Variants in RHOBTB1 observed in about 807,000 individuals in gnomAD.
RHOBTB1 encodes Rho related BTB domain containing 1.
Under a neutral mutation model 71.6 loss-of-function variants are expected in RHOBTB1, and 40 were observed. The observed-to-expected ratio is 0.56, with a 90% CI of 0.43 to 0.73. RHOBTB1 has a LOEUF of 0.73. Among genes scored for constraint, RHOBTB1 ranks in the 30% least tolerant of loss-of-function variants. The pLI is 0.00. For synonymous variants in RHOBTB1, 319 were observed against 334.9 expected, an observed-to-expected ratio of 0.95 and a Z score of 0.52; for missense variants, 797 against 894.0, an observed-to-expected ratio of 0.89 and a Z score of 1.38.
chr10:60,883,738 C>T lies in RHOBTB1; in HGVS notation c.1575+2374G>A, dbSNP rs555796994. Among the ~76,000 whole-genome samples the T allele has an allele frequency of 3.9e-5, 6 of 152,324 alleles. No individual in the cohort carries two copies. In the South Asian group the frequency reaches 1.2e-3, roughly 32 times the overall value. On this transcript the variant is annotated intron_variant, in intron 7 of 10. Coordinates refer to ENST00000337910, the MANE Select transcript of RHOBTB1 (RefSeq NM_014836.5). ...ATCAGAATAAGTCCAGCGGCAGCTACTATTTATTGAATGCTTCTGAACTGC... is the reference window on the plus strand; with the variant it reads ...ATCAGAATAAGTCCAGCGGCAGCTATTATTTATTGAATGCTTCTGAACTGC...
At chr10:60,929,826 C>G (rs2084127861) in intron 2 of RHOBTB1, among the ~76,000 whole-genome samples, 1 of 152,090 alleles carries the variant, frequency 6.6e-6, no homozygotes, top group Admixed American at 6.5e-5. Flanking sequence ...GTGAAATAAA[C>G]AACACATGGA....
chr10:60,871,648 T>C lies in RHOBTB1; in HGVS notation c.1925A>G (p.Asn642Ser), dbSNP rs1379304062. 1 of 1,613,620 alleles carries C rather than the reference T, an allele frequency of 6.2e-7. No individual in the cohort carries two copies. Among genetic ancestry groups the C allele is most frequent in the East Asian group, 2.2e-5 (1 of 44,830 alleles). The change falls in exon 11 of 11, where the codon AAC becomes AGC. Residue 642 changes from asparagine to serine, a missense_variant. Physicochemically the swap from Asn to Ser is conservative, Grantham distance 46. This residue lies in a region of RHOBTB1 where 658 missense variants were observed against 681.5 expected (regional missense o/e 0.97). Coordinates refer to ENST00000337910, the MANE Select transcript of RHOBTB1 (RefSeq NM_014836.5). ...RKEIKSKSAD[N>S]QEYFERHRWP... ...GCGGTGCCGCTCGAAGTATTCCTGG[T>C]TGTCTGGTGAAGGAAAGATGCAGAC...
intron 7 of RHOBTB1, among the ~76,000 whole-genome samples, chr10:60,885,008 T>G (rs2081502530): frequency 6.6e-6 from 1 of 152,092 alleles, no homozygotes; most frequent in Non-Finnish European, 1.5e-5. Context: ...AGCTTTGAAC[T>G]CCTGGGCTCA....
At chr10:60,975,228 T>A (rs1301578017) in intron 2 of RHOBTB1, among the ~76,000 whole-genome samples, 1 of 152,036 alleles carries the variant, frequency 6.6e-6, no homozygotes, top group Non-Finnish European at 1.5e-5. Context: ...GGGTTCAGAA[T>A]CAGGGGAATT....
At chr10:60,925,606 A>G (rs2083826753) in intron 2 of RHOBTB1, among the ~76,000 whole-genome samples, 1 of 152,104 alleles carries the variant, frequency 6.6e-6, no homozygotes, top group Admixed American at 6.5e-5. Flanking sequence ...AATTGAGATA[A>G]AAATAGAAAA....
rs1409704209 is a variant in RHOBTB1 at position 60,892,824 on chromosome 10, C to T, written c.468G>A (p.Arg156=). 6.2e-7 allele frequency: 1 copy of T among 1,612,728 alleles called. No individual in the cohort carries two copies. Among genetic ancestry groups the T allele is most frequent in the African/African-American group, 1.3e-5 (1 of 74,836 alleles). Reference sequence around the variant, plus strand: ...CCTTGGCTTACCTTGCTAACGGGCGCCTGGCTCGATTAACAGCTTCCAGGT... The same window carrying T: ...CCTTGGCTTACCTTGCTAACGGGCGTCTGGCTCGATTAACAGCTTCCAGGT... ...YADLEAVNRA[R]RPLARPIKRG... is the part of the protein sequence containing the mutation. The change falls in exon 5 of 11, where the codon AGG becomes AGA. Residue 156 remains arginine, a synonymous_variant. Coordinates refer to ENST00000337910, the MANE Select transcript of RHOBTB1 (RefSeq NM_014836.5).
At chr10:60,862,903 C>A in the RHOBTB1 span, among the ~76,000 whole-genome samples, 1 of 127,612 alleles carries the variant, frequency 7.8e-6, no homozygotes, top group Non-Finnish European at 1.6e-5. Flanking sequence ...CTCTCTCTCT[C>A]CCTCTCCTCT....
chr10:60,999,506 C>A (rs941120357), intron 1 of RHOBTB1, among the ~76,000 whole-genome samples: 1 of 152,124 alleles, frequency 6.6e-6, no homozygotes, highest in Non-Finnish European at 1.5e-5. Flanking sequence ...GTTAATATGC[C>A]ACTAAATCAA....
intron 2 of RHOBTB1, among the ~76,000 whole-genome samples, chr10:60,923,723 G>A (rs1440455459): frequency 2.0e-5 from 3 of 152,084 alleles, no homozygotes; most frequent in East Asian, 3.8e-4. Context: ...GAATCATGGG[G>A]GTGGTTTACT....
intron 2 of RHOBTB1, chr10:60,913,015 G>A (rs1364577812): frequency 1.3e-5 from 2 of 152,164 alleles, no homozygotes; most frequent in Non-Finnish European, 2.9e-5. Context: ...TAAAGAAACT[G>A]TTCAGAGTAA....
At chr10:60,985,209 CAAAT>C (rs1258959643) in intron 2 of RHOBTB1, among the ~76,000 whole-genome samples, 2 of 132,070 alleles carry the variant, frequency 1.5e-5, no homozygotes, top group East Asian at 5.2e-4. Context: ...GTGAAAATAA[CAAAT>C]AATTTTATGG....
chr10:60,975,798 A>G (rs1219112161), intron 2 of RHOBTB1, among the ~76,000 whole-genome samples: 1 of 152,142 alleles, frequency 6.6e-6, no homozygotes, highest in African/African-American at 2.4e-5. Context: ...AAGATGACCA[A>G]TGAAAACAGA....
chr10:60,919,535 G>A (rs962917392), intron 2 of RHOBTB1, among the ~76,000 whole-genome samples: 1 of 152,160 alleles, frequency 6.6e-6, no homozygotes, highest in Non-Finnish European at 1.5e-5. Context: ...GGACTTCCCT[G>A]AATCAAAACT....
chr10:60,971,246 A>G (rs927674387), intron 2 of RHOBTB1, among the ~76,000 whole-genome samples: 3 of 152,096 alleles, frequency 2.0e-5, no homozygotes, highest in African/African-American at 7.2e-5. Flanking sequence ...AGATAATCCT[A>G]AGCGAAAAGA....
At chr10:60,888,140 T>TA in intron 6 of RHOBTB1, 72 bp downstream of exon 6, 1 of 1,505,292 alleles carries the variant, frequency 6.6e-7, no homozygotes, top group African/African-American at 1.4e-5. Flanking sequence ...TTCTTTCTCC[T>TA]GCTCATGTCT....
intron 2 of RHOBTB1, among the ~76,000 whole-genome samples, chr10:60,917,019 C>T (rs576326632): frequency 5.9e-5 from 9 of 152,188 alleles, no homozygotes; most frequent in Non-Finnish European, 1.3e-4. Context: ...AACAGATTCT[C>T]CCCTAAGGCC....
chr10:60,959,046 A>G (rs186748356), intron 2 of RHOBTB1, among the ~76,000 whole-genome samples: 70 of 152,326 alleles, frequency 4.6e-4, no homozygotes, highest in African/African-American at 1.5e-3. Flanking sequence ...CTAAGTGGTC[A>G]GGAATGCAAA....
At chr10:60,932,200 C>T (rs546419409) in intron 2 of RHOBTB1, among the ~76,000 whole-genome samples, 51 of 152,194 alleles carry the variant, frequency 3.4e-4, no homozygotes, top group Admixed American at 3.9e-4. Flanking sequence ...CTTAGGCAGA[C>T]GTCTACACAT....
rs537600716 is a variant in RHOBTB1, at chr10:60,913,909, T to C, written c.-10-2357A>G. 6.6e-5 allele frequency among the ~76,000 whole-genome samples: 10 copies of C among 152,328 alleles called. No homozygotes were observed. In the South Asian group the frequency reaches 2.1e-3, roughly 32 times the overall value. ...CATCTCCTAAGGTTGTTGTGAGGAT[T>C]ACGTGAACTGATGAATTAAGTCCTC... On this transcript the variant is annotated intron_variant, in intron 2 of 10. Coordinates refer to ENST00000337910, the MANE Select transcript of RHOBTB1 (RefSeq NM_014836.5).
Sources: gnomAD v4.1 joint callset for allele counts (sites outside exome capture counted in the v4.1 genomes callset) on GRCh38, gnomAD v4.1.1 for gene constraint, gnomAD v4.1.1 regional missense constraint, MANE v1.5 for transcripts, NCBI Gene and HGNC (gene_info 2026-07-23, HGNC 2026-07-21) for gene names.